INTS10: variants seen among roughly 807,000 people sequenced by gnomAD.
The protein encoded by INTS10 is integrator complex subunit 10.
Under a neutral mutation model 94.4 loss-of-function variants are expected in INTS10, and 44 were observed. The observed-to-expected ratio is 0.47, with a 90% CI of 0.37 to 0.60. The LOEUF is 0.60. Among genes scored for constraint, INTS10 ranks in the 20% least tolerant of loss-of-function variants. INTS10 has a pLI of 0.00. For missense variants in INTS10, 797 were observed against 868.7 expected (o/e 0.92, Z 1.04); for synonymous variants, 341 against 320.7 (o/e 1.06, Z -0.68).
At chr8:19,823,752 T>C in intron 6 of INTS10, 121 bp from the exon 7 acceptor site, 1 of 906,214 alleles carries the variant, frequency 1.1e-6, no homozygotes, top group Middle Eastern at 3.4e-4. Flanking sequence ...GAGCAAAACA[T>C]AAGTATGTTG....
intron 1 of INTS10, among the ~76,000 whole-genome samples, 191 bp downstream of exon 1, chr8:19,817,857 T>A (rs2066053993): frequency 6.7e-6 from 1 of 150,000 alleles, no homozygotes; most frequent in East Asian, 2.0e-4. Context: ...TCACCCGCCT[T>A]GCTCCTACAC....
Position 19,837,110 on chromosome 8 carries a change from G to A in INTS10, c.1589G>A (p.Gly530Glu). 1 of 1,613,908 alleles carries A rather than the reference G, an allele frequency of 6.2e-7. No individual in the cohort carries two copies. The highest frequency in any genetic ancestry group is 8.5e-7 in the Non-Finnish European group (1 of 1,179,784). Reference protein sequence around the residue: ...MCYMVLPIQDGGKSQEEPSKV... With the variant: ...MCYMVLPIQDEGKSQEEPSKV... ...TACATGGTACTCCCCATTCAAGATG[G>A]AGGCAAATCCCAGGAGGAACCCTCG... The change falls in exon 13 of 17, where the codon GGA (glycine) becomes GAA (glutamate). Residue 530 changes from glycine to glutamate, a missense_variant. Transcript: ENST00000397977.
intron 12 of INTS10, among the ~76,000 whole-genome samples, chr8:19,833,599 TTTA>T (rs753253720): frequency 6.6e-4 from 101 of 152,298 alleles, no homozygotes; most frequent in Non-Finnish European, 1.0e-3. Context: ...TATTTTTCTT[TTTA>T]TTATTATTAC....
rs2066279624 is a variant in INTS10, at chr8:19,820,405, G to A, written c.328G>A (p.Val110Ile). 6.2e-7 allele frequency: 1 copy of A among 1,612,212 alleles called. No homozygotes were observed. The highest frequency in any genetic ancestry group is 1.1e-5 in the South Asian group (1 of 90,924). Residue 110 changes from valine to isoleucine, a missense_variant, in exon 4 of 17, where the codon GTC becomes ATC. Physicochemically the swap from Val to Ile is conservative, Grantham distance 29. Transcript: ENST00000397977. ...RSLFETLPGR[V>I]QCEMLLKVTE... ...TTTATTTGAAACTCTTCCTGGTCGG[G>A]TCCAGTGTGAAATGTTACTAAAGGT... is the stretch of plus-strand genomic sequence containing the variant.
At chr8:19,830,976 T>G (rs990065602) in intron 10 of INTS10, among the ~76,000 whole-genome samples, 2 of 152,206 alleles carry the variant, frequency 1.3e-5, no homozygotes, top group African/African-American at 4.8e-5. Context: ...CCAGCCATAT[T>G]GCTGTTTTTA....
chr8:19,839,247 T>C (rs925922043), intron 13 of INTS10, among the ~76,000 whole-genome samples: 2 of 152,184 alleles, frequency 1.3e-5, no homozygotes. Flanking sequence ...AACTTAACTA[T>C]GAAGTATTGA....
In INTS10 at chr8:19,830,469, G is replaced by T; in HGVS notation, c.1204G>T (p.Glu402Ter). 1 of 1,614,026 alleles carries T rather than the reference G, an allele frequency of 6.2e-7. No homozygotes were observed. Among genetic ancestry groups the T allele is most frequent in the Non-Finnish European group, 8.5e-7 (1 of 1,179,918 alleles). Residue 402 changes from glutamate (E) to a stop codon, truncating the protein, a stop_gained, in exon 10 of 17, where the codon GAA (glutamate) becomes TAA (stop). Transcript: ENST00000397977. LOFTEE classifies it high-confidence loss of function. The stretch of plus-strand genomic sequence containing the variant: ...TCGTCACATTGTAGTCAATAAAGCC[G>T]AACTTGCTAACTCCACTGAAGTGTT... The part of the protein sequence containing the change: ...RNRHIVVNKA[E>*]LANSTEVLES...
chr8:19,832,788 G>T (rs975345155), intron 11 of INTS10, among the ~76,000 whole-genome samples: 1 of 152,220 alleles, frequency 6.6e-6, no homozygotes, highest in African/African-American at 2.4e-5. Flanking sequence ...CACGAATGAG[G>T]TGGTGTCGGA....
chr8:19,828,633 G>T (rs1353642609), intron 9 of INTS10, among the ~76,000 whole-genome samples: 4 of 152,058 alleles, frequency 2.6e-5, no homozygotes, highest in African/African-American at 9.7e-5. Context: ...TAGCAGACGC[G>T]CCATGTGTGT....
At chr8:19,844,554 G>T (rs1461368071) in intron 15 of INTS10, among the ~76,000 whole-genome samples, 11 of 152,168 alleles carry the variant, frequency 7.2e-5, no homozygotes, top group Admixed American at 7.2e-4. Context: ...TTTAGTCAAG[G>T]AATATAATAC....
Position 19,851,278 on chromosome 8 carries a change from G to T in INTS10, c.1977-371G>T, listed in dbSNP as rs1241141633. ...AGGGTCTGCTGGCCGGGCTGGACATGAGCTCTTTGTAGCCAGTGTGGACTG... is the reference window on the plus strand; with the variant it reads ...AGGGTCTGCTGGCCGGGCTGGACATTAGCTCTTTGTAGCCAGTGTGGACTG... On this transcript the variant is annotated intron_variant, in intron 16 of 16. Coordinates refer to ENST00000397977, the MANE Select transcript of INTS10 (RefSeq NM_018142.4). The surrounding 1 kb of genome is among the most constrained non-coding windows in gnomAD (Gnocchi z 5.0). Among the ~76,000 whole-genome samples, 1 of 152,298 alleles carries T rather than the reference G, an allele frequency of 6.6e-6. No homozygotes were observed. The highest frequency in any genetic ancestry group is 6.5e-5 in the Admixed American group (1 of 15,300).
intron 15 of INTS10, among the ~76,000 whole-genome samples, chr8:19,845,043 G>A (rs2068460645): frequency 6.6e-6 from 1 of 152,088 alleles, no homozygotes; most frequent in Admixed American, 6.5e-5. Flanking sequence ...GACCACAGGT[G>A]TGCACTACCA....
chr8:19,820,383 A>G lies in INTS10; in HGVS notation c.306A>G (p.Leu102=). ...QDKQTQFLRS[L]FETLPGRVQC... is the part of the protein sequence containing the mutation. The stretch of plus-strand genomic sequence containing the variant: ...AGTGAAATATGTTTCGTACAGGTTT[A>G]TTTGAAACTCTTCCTGGTCGGGTCC... The change falls in exon 4 of 17, where the codon TTA becomes TTG. Residue 102 remains leucine, a synonymous_variant. Coordinates refer to ENST00000397977, the MANE Select transcript of INTS10 (RefSeq NM_018142.4). 6.2e-7 allele frequency: 1 copy of G among 1,609,746 alleles called. No homozygotes were observed. Among genetic ancestry groups the G allele is most frequent in the African/African-American group, 1.3e-5 (1 of 74,918 alleles).
chr8:19,849,014 A>G lies in INTS10; in HGVS notation c.1977-2635A>G, dbSNP rs1590078681. The stretch of plus-strand genomic sequence containing the variant: ...TAGCTTCTCCCCAGTCTCCTTAAAC[A>G]CCCAGCCACGGCCAGGGGCTTGTTG... On this transcript the variant is annotated intron_variant, in intron 16 of 16. Coordinates refer to ENST00000397977, the MANE Select transcript of INTS10 (RefSeq NM_018142.4). This position sits in a 1 kb window ranked among gnomAD's most constrained non-coding sequence, Gnocchi z 4.6. The G allele has an allele frequency of 3.1e-6, 1 of 325,842 alleles. No individual in the cohort carries two copies. Among genetic ancestry groups the G allele is most frequent in the African/African-American group, 2.2e-5 (1 of 46,060 alleles). 20.2% of individuals were successfully genotyped at this position (325,842 alleles called of 1,614,324 possible). A position where few individuals can be genotyped will look rare whatever the true frequency, so the allele number is the denominator to read the frequency against.
chr8:19,833,118 CT>C, intron 11 of INTS10, 50 bp from the exon 12 acceptor site: 4 of 1,451,592 alleles, frequency 2.8e-6, no homozygotes, highest in South Asian at 1.5e-5. Context: ...TTTTAAATTT[CT>C]TTTTTTAACA....
Position 19,828,725 on chromosome 8 carries a change from T to G in INTS10, c.1141-1681T>G, listed in dbSNP as rs961951938. On this transcript the variant is annotated intron_variant, in intron 9 of 16. Transcript: ENST00000397977. ...GTACCTGGCAGATACGGTTGTGGTT[T>G]TTTTTTTTTTTGGTGGAGACAAGGT... Among the ~76,000 whole-genome samples, 3 of 151,392 alleles carry G rather than the reference T, an allele frequency of 2.0e-5. No homozygotes were observed. The East Asian group carries it at 5.8e-4, about 29-fold the overall frequency.
intron 13 of INTS10, chr8:19,842,004 T>C: frequency 7.5e-6 from 2 of 265,460 alleles, no homozygotes; most frequent in South Asian, 7.5e-5. Context: ...TATTTCTTGC[T>C]ATCTTGCCTC....
At chr8:19,847,220 A>G (rs1227037155) in intron 16 of INTS10, among the ~76,000 whole-genome samples, 1 of 152,224 alleles carries the variant, frequency 6.6e-6, no homozygotes, top group Admixed American at 6.5e-5. Flanking sequence ...TAAATTATAA[A>G]CTTTTAAAAT....
chr8:19,817,663 C>G lies in INTS10; in HGVS notation c.126C>G (p.Ile42Met). The G allele has an allele frequency of 6.2e-7, 1 of 1,605,970 alleles. No individual in the cohort carries two copies. The highest frequency in any genetic ancestry group is 8.5e-7 in the Non-Finnish European group (1 of 1,176,958). Reference protein sequence around the residue: ...ARSLYPADFNIQYEMYTIERN... With the variant: ...ARSLYPADFNMQYEMYTIERN... ...GCCTCTACCCGGCAGACTTTAACAT[C>G]CAGGTGAGGTCCCGGCTGTGCATGC... Residue 42 changes from isoleucine (I) to methionine (M), a missense_variant, in exon 1 of 17, where the codon ATC becomes ATG. Transcript: ENST00000397977.
Sources: allele counts gnomAD v4.1 joint callset (sites outside exome capture counted in the v4.1 genomes callset), GRCh38; gene constraint gnomAD v4.1.1; non-coding constraint Gnocchi (gnomAD v3.1); transcripts MANE v1.5; gene names NCBI Gene and HGNC (gene_info 2026-07-23, HGNC 2026-07-21).